COL5A2: variants seen among roughly 807,000 people sequenced by gnomAD.
COL5A2 encodes the protein collagen alpha-2(V) chain.
COL5A2 carries 23 observed loss-of-function variants against 208.2 expected under a neutral mutation model. The observed-to-expected ratio is 0.11, with a 90% confidence interval of 0.08 to 0.16. The LOEUF (loss-of-function observed/expected upper bound fraction) is 0.16, where lower values mean the gene tolerates loss of function less well. Among genes scored for constraint, COL5A2 ranks in the 10% least tolerant of loss-of-function variants. The pLI is 1.00. For missense variants in COL5A2, 1,590 were observed against 1,956.4 expected (o/e 0.81, Z 3.53); for synonymous variants, 625 against 628.5 (o/e 0.99, Z 0.08).
intron 1 of COL5A2, among the ~76,000 whole-genome samples, chr2:189,114,153 T>C (rs1333568045): frequency 6.6e-6 from 1 of 152,198 alleles, no homozygotes; most frequent in East Asian, 1.9e-4. Flanking sequence ...TGCTTTTAAA[T>C]AGCAAGGAGA....
intron 1 of COL5A2, among the ~76,000 whole-genome samples, chr2:189,116,067 A>C (rs752965038): frequency 2.6e-5 from 4 of 152,158 alleles, no homozygotes; most frequent in Non-Finnish European, 5.9e-5. Flanking sequence ...AGCCTTCCTG[A>C]CCCAGCAGAT....
chr2:189,070,263 C>T (rs1210298518), intron 18 of COL5A2, among the ~76,000 whole-genome samples: 1 of 152,066 alleles, frequency 6.6e-6, no homozygotes, highest in Non-Finnish European at 1.5e-5. Flanking sequence ...CCTAAAGAGG[C>T]CTGGAAAACT....
chr2:189,431,876 A>T, the COL5A2 span, among the ~76,000 whole-genome samples: 1 of 152,158 alleles, frequency 6.6e-6, no homozygotes, highest in Non-Finnish European at 1.5e-5. Context: ...GAGAAGAGCA[A>T]CCCCAAGACA....
At chr2:189,230,540 T>C in the COL5A2 span, among the ~76,000 whole-genome samples, 1 of 151,794 alleles carries the variant, frequency 6.6e-6, no homozygotes, top group African/African-American at 2.4e-5. Flanking sequence ...TAAATAGATA[T>C]ATATTCTAAG....
the COL5A2 span, among the ~76,000 whole-genome samples, chr2:189,337,275 C>T: frequency 9.3e-5 from 14 of 150,300 alleles, no homozygotes; most frequent in African/African-American, 2.4e-4. Context: ...CTCCGCCTCC[C>T]GGGTTCACGC....
the COL5A2 span, among the ~76,000 whole-genome samples, chr2:189,262,931 A>T: frequency 6.6e-6 from 1 of 152,120 alleles, no homozygotes. Flanking sequence ...TTATGGTCAG[A>T]TTAAATGTAT....
the COL5A2 span, among the ~76,000 whole-genome samples, chr2:189,239,710 G>T: frequency 1.3e-5 from 2 of 151,564 alleles, no homozygotes; most frequent in Non-Finnish European, 2.9e-5. Flanking sequence ...CATGGCACAT[G>T]TATACATATG....
At chr2:189,164,067 G>C (rs1688420119) in intron 1 of COL5A2, among the ~76,000 whole-genome samples, 1 of 152,080 alleles carries the variant, frequency 6.6e-6, no homozygotes, top group African/African-American at 2.4e-5. Context: ...CCAGAATGTA[G>C]ACAGGCCTGA....
intron 42 of COL5A2, 140 bp downstream of exon 42, chr2:189,051,172 CTAAAGCCT>C: frequency 1.1e-6 from 1 of 907,010 alleles, no homozygotes; most frequent in South Asian, 1.9e-5. Context: ...CACGTTTTTC[CTAAAGCCT>C]TATAGATTTA....
At position 189,194,947 on chromosome 2, in the gene COL5A2, A is replaced by T. The variant is rs550473053; in HGVS notation, c.-42+30201T>A. Among the ~76,000 whole-genome samples the T allele has an allele frequency of 2.0e-5, 3 of 152,296 alleles. No homozygotes were observed. The East Asian group carries it at 5.8e-4, about 29-fold the overall frequency. The stretch of plus-strand genomic sequence containing the variant: ...CAAGCCTTGCATCCCAAGGATGAAC[A>T]TAGTGCTAGAAGTTCTGGCAAGGGC... On this transcript the variant is annotated intron_variant, in intron 1 of 10. Coordinates refer to the COL5A2 transcript ENST00000649966.
chr2:189,168,462 T>TTCA (rs1688513402), intron 1 of COL5A2, among the ~76,000 whole-genome samples: 1 of 152,080 alleles, frequency 6.6e-6, no homozygotes. Context: ...TGGCTGAAAC[T>TTCA]TCATCACAAC....
At chr2:189,049,304 C>T (rs540031472) in intron 44 of COL5A2, 43 bp downstream of exon 44, 12 of 1,344,174 alleles carry the variant, frequency 8.9e-6, no homozygotes, top group Non-Finnish European at 1.3e-5. Flanking sequence ...GTTTCCATGA[C>T]ACCAGATAAC....
chr2:189,057,638 T>C (rs760445806), intron 33 of COL5A2, among the ~76,000 whole-genome samples: 6 of 152,222 alleles, frequency 3.9e-5, no homozygotes, highest in Non-Finnish European at 5.9e-5. Flanking sequence ...TTTATATTTT[T>C]AACTTTTCTC....
At chr2:189,391,221 G>C in the COL5A2 span, among the ~76,000 whole-genome samples, 1 of 152,146 alleles carries the variant, frequency 6.6e-6, no homozygotes, top group Non-Finnish European at 1.5e-5. Flanking sequence ...GTTTAGATCT[G>C]AAATGTAAGT....
intron 5 of COL5A2, chr2:189,097,728 A>G: frequency 4.3e-6 from 2 of 460,222 alleles, no homozygotes; most frequent in South Asian, 3.1e-5. Flanking sequence ...CAAAATACAA[A>G]TTATCAATTA....
the COL5A2 span, chr2:189,311,757 C>T: frequency 7.6e-6 from 6 of 794,198 alleles, no homozygotes; most frequent in Middle Eastern, 3.5e-4. Flanking sequence ...TGTCAAGCTC[C>T]TCTCGGTTCT....
chr2:189,315,566 G>A, the COL5A2 span, among the ~76,000 whole-genome samples: 1 of 152,106 alleles, frequency 6.6e-6, no homozygotes, highest in Non-Finnish European at 1.5e-5. Flanking sequence ...ACATAGTATT[G>A]GAAGTTCTGG....
At chr2:189,404,739 C>T in the COL5A2 span, among the ~76,000 whole-genome samples, 1 of 152,240 alleles carries the variant, frequency 6.6e-6, no homozygotes, top group East Asian at 1.9e-4. Flanking sequence ...TATCCCTACT[C>T]GAGAAAATTA....
the COL5A2 span, among the ~76,000 whole-genome samples, chr2:189,317,737 C>G: frequency 6.6e-6 from 1 of 152,078 alleles, no homozygotes; most frequent in Non-Finnish European, 1.5e-5. Context: ...AGGTATGTGG[C>G]TTTAATATAC....
Sources: allele counts gnomAD v4.1 joint callset (sites outside exome capture counted in the v4.1 genomes callset), GRCh38; gene constraint gnomAD v4.1.1; transcripts MANE v1.5; gene names NCBI Gene and HGNC (gene_info 2026-07-23, HGNC 2026-07-21).